Variants in SCHIP1 observed in about 807,000 individuals in gnomAD.
SCHIP1 encodes the protein schwannomin-interacting protein 1.
Under a neutral mutation model 29.7 loss-of-function variants are expected in SCHIP1, and 8 were observed. The ratio of observed to expected loss-of-function variants is 0.27; its 90% CI spans 0.16 to 0.49. SCHIP1 has a LOEUF of 0.49. Among genes scored for constraint, SCHIP1 ranks in the 20% least tolerant of loss-of-function variants. SCHIP1 has a pLI of 0.99. For missense variants in SCHIP1, 193 were observed against 294.6 expected, an observed-to-expected ratio of 0.66 and a Z score of 2.52; for synonymous variants, 76 against 94.9, an observed-to-expected ratio of 0.80 and a Z score of 1.16.
the SCHIP1 span, among the ~76,000 whole-genome samples, chr3:159,524,187 G>A: frequency 6.6e-6 from 1 of 152,202 alleles, no homozygotes; most frequent in East Asian, 1.9e-4. Flanking sequence ...GCCACATGAG[G>A]TGGGCATGGG....
chr3:159,579,028 C>T, the SCHIP1 span, among the ~76,000 whole-genome samples: 1 of 152,156 alleles, frequency 6.6e-6, no homozygotes, highest in Non-Finnish European at 1.5e-5. Flanking sequence ...ATAATTCATC[C>T]ATTTTGCATT....
the SCHIP1 span, among the ~76,000 whole-genome samples, chr3:159,590,136 G>T: frequency 6.6e-6 from 1 of 152,040 alleles, no homozygotes; most frequent in Admixed American, 6.6e-5. Flanking sequence ...AGAAGAAGAG[G>T]GTGGGCAGAT....
chr3:159,676,711 G>A, the SCHIP1 span, among the ~76,000 whole-genome samples: 22 of 152,138 alleles, frequency 1.4e-4, no homozygotes, highest in Non-Finnish European at 1.5e-4. Flanking sequence ...GCCAGCTGGA[G>A]TAGTCTACGA....
At chr3:159,310,725 G>A in the SCHIP1 span, among the ~76,000 whole-genome samples, 4 of 152,140 alleles carry the variant, frequency 2.6e-5, no homozygotes, top group East Asian at 1.9e-4. Flanking sequence ...GGTAGAGCAC[G>A]TTTCAAATAG....
chr3:159,552,125 G>A, the SCHIP1 span, among the ~76,000 whole-genome samples: 74 of 137,592 alleles, frequency 5.4e-4, no homozygotes, highest in Admixed American at 2.2e-3. Flanking sequence ...TGCAGCCTCC[G>A]CCTCCCAAGT....
chr3:159,788,547 A>T, the SCHIP1 span, among the ~76,000 whole-genome samples: 6 of 152,186 alleles, frequency 3.9e-5, no homozygotes, highest in Admixed American at 3.9e-4. Flanking sequence ...TTATTGCCCA[A>T]AGGAATTCAG....
chr3:159,853,949 A>G lies in SCHIP1; in HGVS notation c.31-12214A>G, dbSNP rs927381465. 2.6e-5 allele frequency among the ~76,000 whole-genome samples: 4 copies of G among 151,496 alleles called. No individual in the cohort carries two copies. In the East Asian group the frequency reaches 7.7e-4, roughly 29 times the overall value. On this transcript the variant is annotated intron_variant, in intron 1 of 6. Transcript: ENST00000445224. ...CCTGCCCTTTTTTTTGAAAGTCAGTAAATATATTTTGAGAATGTTTTATAT... is the reference window on the plus strand; with the variant it reads ...CCTGCCCTTTTTTTTGAAAGTCAGTGAATATATTTTGAGAATGTTTTATAT...
the SCHIP1 span, among the ~76,000 whole-genome samples, chr3:159,415,528 C>T: frequency 0.76 from 115,728 of 152,084 alleles, 44,924 homozygotes; most frequent in East Asian, 0.89. Context: ...GAATTCCCTT[C>T]TATAAGTGAG....
the SCHIP1 span, chr3:159,763,751 G>A: frequency 4.6e-5 from 7 of 152,264 alleles, no homozygotes; most frequent in African/African-American, 1.4e-4. Flanking sequence ...CACACCTTTT[G>A]GGGAGGCGGG....
the SCHIP1 span, among the ~76,000 whole-genome samples, chr3:159,523,502 A>G: frequency 1.3e-5 from 2 of 152,228 alleles, no homozygotes; most frequent in Non-Finnish European, 2.9e-5. Context: ...AAAAGTAAGT[A>G]TCTGATTAAA....
the SCHIP1 span, among the ~76,000 whole-genome samples, chr3:159,662,036 C>A: frequency 6.6e-6 from 1 of 152,212 alleles, no homozygotes; most frequent in African/African-American, 2.4e-5. Context: ...CCTGACTCAT[C>A]ATGGTCACCT....
chr3:159,350,128 C>A, the SCHIP1 span, among the ~76,000 whole-genome samples: 1 of 152,098 alleles, frequency 6.6e-6, no homozygotes, highest in African/African-American at 2.4e-5. Flanking sequence ...GCACTCTGTG[C>A]TTAGCTCCTG....
the SCHIP1 span, among the ~76,000 whole-genome samples, chr3:159,559,765 A>G: frequency 1.3e-5 from 2 of 152,156 alleles, no homozygotes; most frequent in Non-Finnish European, 2.9e-5. Context: ...AATCTCTGCC[A>G]GAGTCATCAG....
At chr3:159,694,098 A>G in the SCHIP1 span, among the ~76,000 whole-genome samples, 1 of 152,294 alleles carries the variant, frequency 6.6e-6, no homozygotes, top group African/African-American at 2.4e-5. Context: ...TTTCCTTCTT[A>G]CCATATCATG....
chr3:159,502,648 C>G, the SCHIP1 span, among the ~76,000 whole-genome samples: 1 of 151,926 alleles, frequency 6.6e-6, no homozygotes, highest in Middle Eastern at 3.2e-3. Flanking sequence ...CCCCACTCCC[C>G]CCACCCCACA....
chr3:159,633,956 C>CA, the SCHIP1 span, among the ~76,000 whole-genome samples: 3 of 151,892 alleles, frequency 2.0e-5, no homozygotes, highest in Non-Finnish European at 4.4e-5. Context: ...ATAATTAACT[C>CA]AAAAAAACCT....
chr3:159,331,649 A>G, the SCHIP1 span, among the ~76,000 whole-genome samples: 2 of 151,944 alleles, frequency 1.3e-5, no homozygotes, highest in East Asian at 1.9e-4. Context: ...AATTCTATCA[A>G]TTTCATCTCT....
the SCHIP1 span, among the ~76,000 whole-genome samples, chr3:159,482,799 G>A: frequency 1.8e-4 from 27 of 152,100 alleles, no homozygotes; most frequent in Admixed American, 2.0e-4. Flanking sequence ...CTACCACCTC[G>A]GGATAAGCAT....
the SCHIP1 span, among the ~76,000 whole-genome samples, chr3:159,429,395 T>A: frequency 6.6e-6 from 1 of 151,992 alleles, no homozygotes; most frequent in Non-Finnish European, 1.5e-5. Context: ...AATCTTCCCA[T>A]CACCAAAAAA....
Sources: allele counts gnomAD v4.1 joint callset (sites outside exome capture counted in the v4.1 genomes callset), GRCh38; gene constraint gnomAD v4.1.1; transcripts MANE v1.5; gene names NCBI Gene and HGNC (gene_info 2026-07-23, HGNC 2026-07-21).